The following WWOX variants were observed in gnomAD, a reference collection of about 807,000 sequenced individuals.
The protein encoded by WWOX is WW domain containing oxidoreductase, also known as WW domain-containing oxidoreductase.
A neutral mutation model predicts 46.2 loss-of-function variants in WWOX; 69 were observed. That is an observed-to-expected ratio of 1.49 (90% confidence interval 1.23 to 1.82). WWOX has a LOEUF of 1.82. WWOX is among the 40% of genes most tolerant of loss of function. The probability of loss-of-function intolerance (pLI) is 0.00; values close to 1 mark genes in which losing one functional copy is unlikely to be tolerated. For missense variants in WWOX, 919 were observed against 542.6 expected, an observed-to-expected ratio of 1.69 and a Z score of -6.89; for synonymous variants, 359 against 202.6, an observed-to-expected ratio of 1.77 and a Z score of -6.56.
intron 5 of WWOX, chr16:78,238,230 T>A (rs1197596069): frequency 6.6e-6 from 1 of 152,174 alleles, no homozygotes; most frequent in Admixed American, 6.5e-5. Flanking sequence ...TATAGCAAAT[T>A]TATTTGGTGG....
chr16:78,928,388 G>C (rs960449006), intron 8 of WWOX, among the ~76,000 whole-genome samples: 3 of 151,700 alleles, frequency 2.0e-5, no homozygotes, highest in African/African-American at 7.3e-5. Context: ...ATTTTTAGTA[G>C]AGACGGGGTT....
chr16:78,729,762 C>A (rs2048924315), intron 8 of WWOX, among the ~76,000 whole-genome samples: 1 of 152,138 alleles, frequency 6.6e-6, no homozygotes, highest in Non-Finnish European at 1.5e-5. Flanking sequence ...ATGGGCTTTG[C>A]TTGAAGTCCC....
intron 6 of WWOX, among the ~76,000 whole-genome samples, 174 bp downstream of exon 6, chr16:78,387,122 C>T (rs1027999800): frequency 6.6e-6 from 1 of 152,174 alleles, no homozygotes; most frequent in African/African-American, 2.4e-5. Context: ...TCACAGTCAC[C>T]TTCATTATGA....
chr16:78,567,297 G>A (rs2044593177), intron 8 of WWOX, among the ~76,000 whole-genome samples: 1 of 151,970 alleles, frequency 6.6e-6, no homozygotes, highest in African/African-American at 2.4e-5. Context: ...TGTAATCCCA[G>A]CACTTTGGGA....
chr16:78,396,031 T>C (rs758979573), intron 6 of WWOX, among the ~76,000 whole-genome samples: 1 of 152,200 alleles, frequency 6.6e-6, no homozygotes, highest in African/African-American at 2.4e-5. Context: ...CAGAGCACTC[T>C]ACCTGCTTTC....
intron 8 of WWOX, among the ~76,000 whole-genome samples, chr16:78,904,399 C>T (rs988739558): frequency 2.6e-5 from 4 of 152,014 alleles, no homozygotes; most frequent in Admixed American, 1.3e-4. Context: ...CCACTGCGCC[C>T]AGCTAATTTT....
intron 8 of WWOX, among the ~76,000 whole-genome samples, chr16:79,163,241 A>G (rs2050522073): frequency 6.6e-6 from 1 of 152,190 alleles, no homozygotes; most frequent in South Asian, 2.1e-4. Context: ...TTAGTGAGAA[A>G]GAGACCAGAG....
chr16:78,624,836 A>T (rs192015276), intron 8 of WWOX, among the ~76,000 whole-genome samples: 1 of 152,210 alleles, frequency 6.6e-6, no homozygotes, highest in Non-Finnish European at 1.5e-5. Context: ...TTGTTTGCCT[A>T]AAGGAGCAGA....
At chr16:78,982,727 C>G (rs2046707775) in intron 8 of WWOX, among the ~76,000 whole-genome samples, 2 of 152,158 alleles carry the variant, frequency 1.3e-5, no homozygotes, top group South Asian at 4.1e-4. Context: ...AGAAAATGTG[C>G]ATTTGAATCC....
intron 8 of WWOX, among the ~76,000 whole-genome samples, chr16:79,058,730 G>A (rs924844539): frequency 6.6e-6 from 1 of 152,162 alleles, no homozygotes; most frequent in Non-Finnish European, 1.5e-5. Context: ...GTATCTGTGT[G>A]CATCCTGGCA....
rs775837681 is a variant in WWOX, at chr16:78,217,724, AC to A, written c.516+53436del. Among the ~76,000 whole-genome samples the A allele has an allele frequency of 5.1e-4, 77 of 152,210 alleles. 1 individual carries two copies. Among genetic ancestry groups the A allele is most frequent in the East Asian group, 1.7e-3 (9 of 5,160 alleles). ...CAAGATTCATGCATTCTTTCAGCAG[AC>A]AGTTTCTTCACTTACCGGGGAAGGG... On this transcript the variant is annotated intron_variant, in intron 5 of 8. Transcript: ENST00000566780.
intron 8 of WWOX, among the ~76,000 whole-genome samples, chr16:78,696,060 G>A (rs1008946434): frequency 2.6e-5 from 4 of 152,182 alleles, no homozygotes; most frequent in Admixed American, 1.3e-4. Flanking sequence ...AGCTTTCTGG[G>A]TGATTCTGAT....
intron 8 of WWOX, among the ~76,000 whole-genome samples, chr16:78,865,347 C>G (rs2043980946): frequency 6.6e-6 from 1 of 151,938 alleles, no homozygotes; most frequent in African/African-American, 2.4e-5. Context: ...TGACTGATTT[C>G]CTTAAAAGAA....
Position 79,136,046 on chromosome 16 carries a change from T to C in WWOX, c.1057-75562T>C, listed in dbSNP as rs571060103. The stretch of plus-strand genomic sequence containing the variant: ...TTTTCCTGTGCAGCAATTTTAACTT[T>C]CTATATTCAAATATACTCTGAATGC... On this transcript the variant is annotated intron_variant, in intron 8 of 8. Coordinates refer to ENST00000566780, the MANE Select transcript of WWOX (RefSeq NM_016373.4). 1.1e-4 allele frequency among the ~76,000 whole-genome samples: 17 copies of C among 152,322 alleles called. 1 individual carries two copies. In the South Asian group the frequency reaches 2.5e-3, roughly 22 times the overall value.
At chr16:79,078,704 G>A (rs1210807110) in intron 8 of WWOX, among the ~76,000 whole-genome samples, 1 of 152,164 alleles carries the variant, frequency 6.6e-6, no homozygotes, top group African/African-American at 2.4e-5. Context: ...TGGATAAAGG[G>A]AGATTTAACA....
intron 8 of WWOX, among the ~76,000 whole-genome samples, chr16:78,982,306 G>C (rs775572525): frequency 2.0e-5 from 3 of 152,160 alleles, no homozygotes; most frequent in Non-Finnish European, 4.4e-5. Context: ...GTGATTTTGA[G>C]CAATCATCTG....
chr16:78,905,791 A>G (rs4888874), intron 8 of WWOX, among the ~76,000 whole-genome samples: 37,239 of 152,090 alleles, frequency 0.24, 5,096 homozygotes, highest in Middle Eastern at 0.39. Flanking sequence ...TTTAAAACCA[A>G]CTTCTTAGAA....
At chr16:78,394,839 C>T (rs544601392) in intron 6 of WWOX, among the ~76,000 whole-genome samples, 2 of 152,202 alleles carry the variant, frequency 1.3e-5, no homozygotes, top group Non-Finnish European at 2.9e-5. Flanking sequence ...CCTGTATGCC[C>T]TGGAGTAGTG....
At position 78,115,071 on chromosome 16, in the gene WWOX, G is replaced by A. The variant is rs1231447106; in HGVS notation, c.326G>A (p.Gly109Asp). ...TKPTTRQRYD[G>D]STTAMEILQG... ...CCAACCACCCGGCAAAGATACGACGGCAGCACCACTGCCATGGAAATTCTC... is the reference window on the plus strand; with the variant it reads ...CCAACCACCCGGCAAAGATACGACGACAGCACCACTGCCATGGAAATTCTC... The change falls in exon 4 of 9, where the codon GGC becomes GAC. Residue 109 changes from glycine (G) to aspartate (D), a missense_variant. By Grantham distance (94) the Gly-to-Asp change is moderately conservative. Transcript: ENST00000566780. 6.2e-7 allele frequency: 1 copy of A among 1,614,164 alleles called. No homozygotes were observed. The highest frequency in any genetic ancestry group is 1.1e-5 in the South Asian group (1 of 91,074).
Sources: gnomAD v4.1 joint callset for allele counts (sites outside exome capture counted in the v4.1 genomes callset) on GRCh38, gnomAD v4.1.1 for gene constraint, MANE v1.5 for transcripts, NCBI Gene and HGNC (gene_info 2026-07-23, HGNC 2026-07-21) for gene names.